Variants in NSD1 observed in about 807,000 individuals in gnomAD.
The protein encoded by NSD1 is histone-lysine N-methyltransferase, H3 lysine-36 specific.
NSD1 carries 26 observed loss-of-function variants against 242.7 expected under a neutral mutation model. The ratio of observed to expected loss-of-function variants is 0.11; its 90% CI spans 0.08 to 0.15. NSD1 has a LOEUF of 0.15. NSD1 is among the 10% of genes least tolerant of loss of function. The probability of loss-of-function intolerance (pLI) is 1.00; values close to 1 mark genes in which losing one functional copy is unlikely to be tolerated. For synonymous variants in NSD1, 1,106 were observed against 1,178.1 expected (o/e 0.94, Z 1.25); for missense variants, 2,495 against 3,272.8 (o/e 0.76, Z 5.80).
intron 2 of NSD1, among the ~76,000 whole-genome samples, chr5:177,160,012 C>A (rs558435479): frequency 6.6e-6 from 1 of 152,116 alleles, no homozygotes; most frequent in Admixed American, 6.6e-5. Flanking sequence ...GCTTCAGCCT[C>A]CTGAGTACCT....
At chr5:177,277,894 C>T (rs1176219100) in intron 17 of NSD1, among the ~76,000 whole-genome samples, 4 of 152,100 alleles carry the variant, frequency 2.6e-5, no homozygotes, top group Non-Finnish European at 5.9e-5. Flanking sequence ...TAGCATGAAC[C>T]TTTATGTGTA....
intron 17 of NSD1, among the ~76,000 whole-genome samples, chr5:177,275,892 C>G (rs1473192039): frequency 1.3e-5 from 2 of 152,178 alleles, no homozygotes; most frequent in East Asian, 3.8e-4. Flanking sequence ...GATGGACTTA[C>G]ATGGTATTTA....
chr5:177,278,761 ACAGT>A (rs1439595321), intron 17 of NSD1, among the ~76,000 whole-genome samples: 7 of 152,228 alleles, frequency 4.6e-5, no homozygotes, highest in African/African-American at 1.7e-4. Flanking sequence ...CAGTTCCTGA[ACAGT>A]CAAAATTTTT....
At chr5:177,132,141 A>C (rs1755925912), upstream of NSD1, among the ~76,000 whole-genome samples, 1 of 152,090 alleles carries the variant, frequency 6.6e-6, no homozygotes, top group African/African-American at 2.4e-5. This position sits in a 1 kb window ranked among gnomAD's most constrained non-coding sequence, Gnocchi z 7.5. Context: ...CCCCAGGCCG[A>C]GGGCTGCGCC....
chr5:177,197,578 C>T (rs1009245478), intron 3 of NSD1, among the ~76,000 whole-genome samples: 3 of 151,366 alleles, frequency 2.0e-5, no homozygotes, highest in Non-Finnish European at 3.0e-5. Context: ...GCCAAGATGA[C>T]GCCACTGCAC....
intron 2 of NSD1, among the ~76,000 whole-genome samples, chr5:177,167,490 G>A (rs913724656): frequency 9.9e-5 from 15 of 151,896 alleles, no homozygotes; most frequent in African/African-American, 3.4e-4. Flanking sequence ...AGCCGAGATC[G>A]CGCCATTGCA....
At chr5:177,263,536 G>A (rs2149923244) in intron 14 of NSD1, among the ~76,000 whole-genome samples, 1 of 152,264 alleles carries the variant, frequency 6.6e-6, no homozygotes, top group East Asian at 1.9e-4. Flanking sequence ...CACCTTAGAA[G>A]TTTCTTGAAG....
Position 177,288,929 on chromosome 5 carries a change from C to T in NSD1, c.6258+4C>T. 1 of 1,605,842 alleles carries T rather than the reference C, an allele frequency of 6.2e-7. No individual in the cohort carries two copies. Among genetic ancestry groups the T allele is most frequent in the Middle Eastern group, 1.7e-4 (1 of 6,046 alleles). On this transcript the variant is annotated splice_donor_region_variant and intron_variant, in intron 21 of 22. Coordinates refer to ENST00000439151, the MANE Select transcript of NSD1 (RefSeq NM_022455.5). ...CTTCTTGGGTGTAAGGCCAAAGGTA[C>T]CACCCTTCTAGACTTCTGCTTTGGG...
intron 2 of NSD1, among the ~76,000 whole-genome samples, chr5:177,142,336 T>C (rs1312980964): frequency 6.6e-6 from 1 of 152,200 alleles, no homozygotes; most frequent in Non-Finnish European, 1.5e-5. Flanking sequence ...AGGAAAGAGA[T>C]AGTTTGCTTT....
Position 177,284,455 on chromosome 5 carries a change from G to GT in NSD1, c.6151+537dup, listed in dbSNP as rs200585056. Among the ~76,000 whole-genome samples, 500 of 147,188 alleles carry GT rather than the reference G, an allele frequency of 3.4e-3. 1 individual carries two copies. Among genetic ancestry groups the GT allele is most frequent in the African/African-American group, 8.4e-3 (337 of 40,302 alleles). On this transcript the variant is annotated intron_variant, in intron 20 of 22. Transcript: ENST00000439151. ...CCCATTCCCAGGTTTTTTGTTTTTT[G>GT]TTTTTTTTTTGTAGAGACGGAGTCT...
At chr5:177,168,278 T>C (rs942277626) in intron 2 of NSD1, among the ~76,000 whole-genome samples, 1 of 152,122 alleles carries the variant, frequency 6.6e-6, no homozygotes, top group Non-Finnish European at 1.5e-5. Context: ...AACTTTATGA[T>C]AGGGTTTACT....
At chr5:177,284,920 G>A (rs770520118) in intron 20 of NSD1, among the ~76,000 whole-genome samples, 8 of 152,128 alleles carry the variant, frequency 5.3e-5, no homozygotes, top group Non-Finnish European at 7.4e-5. Context: ...GGGTAGTATC[G>A]TGAGAACTCT....
At chr5:177,149,190 A>G (rs372177137) in intron 2 of NSD1, among the ~76,000 whole-genome samples, 9 of 151,644 alleles carry the variant, frequency 5.9e-5, no homozygotes, top group African/African-American at 2.2e-4. Flanking sequence ...CCATTCGTGT[A>G]GATATGTAGT....
At position 177,210,824 on chromosome 5, in the gene NSD1, G is replaced by A. The variant is rs371421105; in HGVS notation, c.2425G>A (p.Glu809Lys). The part of the protein sequence containing the change: ...VMAEPPVINE[E>K]CSLKCCSSDT... ...GGCAGAACCCCCAGTTATAAATGAG[G>A]AGTGCAGTTTGAAATGCTGCTCTTC... Residue 809 changes from glutamate (E) to lysine (K), a missense_variant, in exon 5 of 23, where the codon GAG becomes AAG. Glu to Lys is a moderately conservative substitution (Grantham distance 56). Transcript: ENST00000439151. 4.1e-5 allele frequency: 66 copies of A among 1,614,078 alleles called. No homozygotes were observed. The highest frequency in any genetic ancestry group is 5.3e-5 in the Non-Finnish European group (63 of 1,180,040).
chr5:177,265,086 G>A (rs1463826093), intron 14 of NSD1: 4 of 750,448 alleles, frequency 5.3e-6, no homozygotes, highest in South Asian at 1.4e-5. Context: ...CCTGAAACAT[G>A]TGAAGGAAAA....
chr5:177,132,554 C>G (rs1321518834), upstream of NSD1, among the ~76,000 whole-genome samples: 1 of 151,876 alleles, frequency 6.6e-6, no homozygotes, highest in African/African-American at 2.4e-5. This position sits in a 1 kb window ranked among gnomAD's most constrained non-coding sequence, Gnocchi z 7.5. Context: ...GGTGAGGGAG[C>G]TTCGTCCCGG....
intron 14 of NSD1, among the ~76,000 whole-genome samples, chr5:177,261,901 T>C (rs1019689748): frequency 6.6e-6 from 1 of 152,172 alleles, no homozygotes; most frequent in Non-Finnish European, 1.5e-5. Flanking sequence ...CTCTGAACAT[T>C]CTGAGGGACT....
At chr5:177,272,962 CACA>C (rs1266255904) in intron 16 of NSD1, among the ~76,000 whole-genome samples, 1 of 152,106 alleles carries the variant, frequency 6.6e-6, no homozygotes, top group African/African-American at 2.4e-5. Flanking sequence ...TTTATATTTA[CACA>C]ACAAGTCTTA....
At chr5:177,139,281 T>C (rs966626569) in intron 2 of NSD1, among the ~76,000 whole-genome samples, 3 of 146,740 alleles carry the variant, frequency 2.0e-5, no homozygotes, top group African/African-American at 7.6e-5. Flanking sequence ...CTGGCCGACA[T>C]GGTGAAACCC....
Sources: gnomAD v4.1 joint callset for allele counts (sites outside exome capture counted in the v4.1 genomes callset) on GRCh38, gnomAD v4.1.1 for gene constraint, Gnocchi (gnomAD v3.1) non-coding constraint, MANE v1.5 for transcripts, NCBI Gene and HGNC (gene_info 2026-07-23, HGNC 2026-07-21) for gene names.